CERS1: variants seen among roughly 807,000 people sequenced by gnomAD.
The protein encoded by CERS1 is ceramide synthase 1, also known as Embryonic growth/differentiation factor 1.
CERS1 carries 16 observed loss-of-function variants against 35.7 expected under a neutral mutation model. That is an observed-to-expected ratio of 0.45 (90% CI 0.30 to 0.68). The LOEUF is 0.68. Among genes scored for constraint, CERS1 ranks in the 30% least tolerant of loss-of-function variants. The pLI is 0.08. For missense variants in CERS1, 454 were observed against 453.9 expected (o/e 1.00, Z 0.00); for synonymous variants, 243 against 201.6 (o/e 1.21, Z -1.74).
intron 6 of CERS1, among the ~76,000 whole-genome samples, chr19:18,875,208 C>A (rs561917129): frequency 6.8e-6 from 1 of 147,962 alleles, no homozygotes; most frequent in Non-Finnish European, 1.5e-5. Context: ...TGCGCTCCAG[C>A]GTGGGCGACA....
At position 18,878,749 on chromosome 19, in the gene CERS1, C is replaced by T; in HGVS notation, c.1010+181G>A. 1 of 1,419,440 alleles carries T rather than the reference C, an allele frequency of 7.0e-7. No individual in the cohort carries two copies. The highest frequency in any genetic ancestry group is 9.2e-7 in the Non-Finnish European group (1 of 1,085,722). 87.9% of individuals were successfully genotyped at this position (1,419,440 alleles called of 1,614,324 possible). On this transcript the variant is annotated intron_variant, in intron 6 of 7. Transcript: ENST00000623882. This position sits in a 1 kb window ranked among gnomAD's most constrained non-coding sequence, Gnocchi z 4.6. ...TCCCTCCCCTTCCTCACTGTCCTGT[C>T]CTTCAGGGTACTGGCCACATCGTCC... is the stretch of plus-strand genomic sequence containing the variant.
intron 6 of CERS1, among the ~76,000 whole-genome samples, chr19:18,873,533 C>CA: frequency 6.6e-6 from 1 of 151,796 alleles, no homozygotes; most frequent in Non-Finnish European, 1.5e-5. Context: ...CCCATCTCTA[C>CA]AAAAATTTTA....
rs759329060 is a variant in CERS1, at chr19:18,869,984, G to A, written c.*593C>T. 1.3e-5 allele frequency: 20 copies of A among 1,587,572 alleles called. No homozygotes were observed. The South Asian group carries it at 2.1e-4, about 16-fold the overall frequency. On this transcript the variant is annotated splice_region_variant and 3_prime_UTR_variant, in exon 7 of 8. Transcript: ENST00000623882. ...GTCCCCAGCGAAAGCCCCACTCACCGCGGTCCGGGATGTGGCGCACGATGT... is the reference window on the plus strand; with the variant it reads ...GTCCCCAGCGAAAGCCCCACTCACCACGGTCCGGGATGTGGCGCACGATGT...
chr19:18,876,121 A>T (rs2056056441), intron 6 of CERS1, among the ~76,000 whole-genome samples: 1 of 152,076 alleles, frequency 6.6e-6, no homozygotes, highest in Non-Finnish European at 1.5e-5. Context: ...AGTAGCTGGG[A>T]TTGCAGGCGT....
At chr19:18,887,328 T>C (rs958825094) in intron 2 of CERS1, among the ~76,000 whole-genome samples, 5 of 152,128 alleles carry the variant, frequency 3.3e-5, no homozygotes, top group East Asian at 3.9e-4. Flanking sequence ...AGGAAGTAGA[T>C]TGGTGGCTGC....
At position 18,869,336 on chromosome 19, in the gene CERS1, C is replaced by A; in HGVS notation, c.*649G>T. The A allele has an allele frequency of 6.5e-7, 1 of 1,529,306 alleles. No homozygotes were observed. The highest frequency in any genetic ancestry group is 2.5e-5 in the East Asian group (1 of 39,956). 94.7% of individuals were successfully genotyped at this position (1,529,306 alleles called of 1,614,324 possible). A position where few individuals can be genotyped will look rare whatever the true frequency, so the allele number is the denominator to read the frequency against. ...AGCCGACAGGTCGAAGACGACTGTC[C>A]ACTCAGGGCAATGCCCCGCGGCCGA... On this transcript the variant is annotated 3_prime_UTR_variant, in exon 8 of 8. Coordinates refer to ENST00000623882, the MANE Select transcript of CERS1 (RefSeq NM_021267.5).
At chr19:18,887,409 T>A (rs935553774) in intron 2 of CERS1, among the ~76,000 whole-genome samples, 3 of 152,096 alleles carry the variant, frequency 2.0e-5, no homozygotes, top group Non-Finnish European at 2.9e-5. Context: ...GGGATGATAA[T>A]GTTCCAGACC....
Position 18,868,773 on chromosome 19 carries a change from G to A in CERS1, c.*1212C>T. 6.8e-7 allele frequency: 1 copy of A among 1,472,000 alleles called. No individual in the cohort carries two copies. Among genetic ancestry groups the A allele is most frequent in the Non-Finnish European group, 9.1e-7 (1 of 1,103,938 alleles). 91.2% of individuals were successfully genotyped at this position (1,472,000 alleles called of 1,614,324 possible). A position where few individuals can be genotyped will look rare whatever the true frequency, so the allele number is the denominator to read the frequency against. On this transcript the variant is annotated 3_prime_UTR_variant, in exon 8 of 8. Transcript: ENST00000623882. The stretch of plus-strand genomic sequence containing the variant: ...AGCGCGCGCAGCACAGCGTGGTTGA[G>A]CGCCGGCGGCCCCCCGGACCCCGAC...
chr19:18,894,646 A>C (rs1256647842), intron 1 of CERS1, among the ~76,000 whole-genome samples: 1 of 152,046 alleles, frequency 6.6e-6, no homozygotes, highest in Admixed American at 6.5e-5. Context: ...GGCAGGGGCA[A>C]CAAGCAGGAT....
At chr19:18,880,714 T>G (rs1253857382) in intron 3 of CERS1, among the ~76,000 whole-genome samples, 1 of 151,904 alleles carries the variant, frequency 6.6e-6, no homozygotes, top group Non-Finnish European at 1.5e-5. Context: ...TTATTTTTCT[T>G]TTGAGACAGG....
At chr19:18,873,936 G>A (rs989245263) in intron 6 of CERS1, among the ~76,000 whole-genome samples, 1 of 152,028 alleles carries the variant, frequency 6.6e-6, no homozygotes, top group African/African-American at 2.4e-5. Flanking sequence ...TCTTCGGGAT[G>A]GGGGGAGGAA....
In CERS1 at chr19:18,879,017, T is replaced by C. The variant is rs2056123161; in HGVS notation, c.923A>G (p.Lys308Arg). The C allele has an allele frequency of 6.2e-7, 1 of 1,613,602 alleles. No individual in the cohort carries two copies. Among genetic ancestry groups the C allele is most frequent in the Admixed American group, 1.7e-5 (1 of 59,980 alleles). ...CTCGTGCACCTGGCCTGTCAACACC[T>C]TGGCTGCAAACGCCACGATGTACTG... ...WFLYIVAFAA[K>R]VLTGQVHELK... is the part of the protein sequence containing the mutation. The change falls in exon 6 of 8, where the codon AAG (lysine) becomes AGG (arginine). Residue 308 changes from lysine (K) to arginine (R), a missense_variant. Lys to Arg is a conservative substitution (Grantham distance 26). Coordinates refer to ENST00000623882, the MANE Select transcript of CERS1 (RefSeq NM_021267.5).
At chr19:18,873,083 G>A (rs953724694) in intron 6 of CERS1, among the ~76,000 whole-genome samples, 5 of 152,120 alleles carry the variant, frequency 3.3e-5, no homozygotes, top group Admixed American at 6.6e-5. Context: ...GAGGAGGAGA[G>A]GGAGACAGAG....
At chr19:18,892,803 C>T (rs372159137) in intron 2 of CERS1, among the ~76,000 whole-genome samples, 10 of 152,272 alleles carry the variant, frequency 6.6e-5, no homozygotes, top group South Asian at 6.2e-4. Flanking sequence ...AGCTCCAACA[C>T]GGCCAGATAC....
chr19:18,877,920 C>G (rs2146006313), intron 6 of CERS1: 5 of 967,332 alleles, frequency 5.2e-6, no homozygotes, highest in Non-Finnish European at 6.1e-6. Context: ...CTTGAGTCGT[C>G]TTTGATTCTT....
intron 6 of CERS1, chr19:18,877,900 A>T: frequency 1.1e-6 from 1 of 931,870 alleles, no homozygotes; most frequent in African/African-American, 1.8e-5. Flanking sequence ...TACCAGCTCG[A>T]GCCAAAAGTC....
At chr19:18,880,252 C>T in intron 4 of CERS1, 22 bp downstream of exon 4, 1 of 1,534,424 alleles carries the variant, frequency 6.5e-7, no homozygotes, top group Non-Finnish European at 8.8e-7. Context: ...TCCCTCCCTG[C>T]CCAGCACTCC....
At chr19:18,892,623 A>G (rs750872699) in intron 2 of CERS1, among the ~76,000 whole-genome samples, 2 of 152,004 alleles carry the variant, frequency 1.3e-5, no homozygotes, top group Non-Finnish European at 2.9e-5. Context: ...CAAAAAAAGA[A>G]AAACAACCAC....
rs767727206 is a variant in CERS1, at chr19:18,880,326, G to C, written c.700C>G (p.Arg234Gly). The change falls in exon 4 of 8, where the codon CGG (arginine) becomes GGG (glycine). Residue 234 changes from arginine to glycine, a missense_variant. Coordinates refer to ENST00000623882, the MANE Select transcript of CERS1 (RefSeq NM_021267.5). ...YFKSRGGSYH[R>G]LHALAADLGC... is the part of the protein sequence containing the mutation. ...AAGTCTGCTGCCAAGGCATGCAGCC[G>C]ATGGTAGGAGCCGCCGCGGGACTTG... The C allele has an allele frequency of 3.6e-5, 56 of 1,554,590 alleles. No individual in the cohort carries two copies. The highest frequency in any genetic ancestry group is 1.8e-4 in the Middle Eastern group (1 of 5,410).
Sources: gnomAD v4.1 joint callset for allele counts (sites outside exome capture counted in the v4.1 genomes callset) on GRCh38, gnomAD v4.1.1 for gene constraint, Gnocchi (gnomAD v3.1) non-coding constraint, MANE v1.5 for transcripts, NCBI Gene and HGNC (gene_info 2026-07-23, HGNC 2026-07-21) for gene names.